LMTK3: variants seen among roughly 807,000 people sequenced by gnomAD.
The protein encoded by LMTK3 is lemur tail kinase 3.
LMTK3 carries 27 observed loss-of-function variants against 116.7 expected under a neutral mutation model. The observed-to-expected ratio is 0.23, with a 90% CI of 0.17 to 0.32. The LOEUF (loss-of-function observed/expected upper bound fraction) is 0.32. Among genes scored for constraint, LMTK3 ranks in the 10% least tolerant of loss-of-function variants. The pLI is 1.00. For missense variants in LMTK3, 1,764 were observed against 2,068.5 expected, an observed-to-expected ratio of 0.85 and a Z score of 2.86; for synonymous variants, 965 against 971.0, an observed-to-expected ratio of 0.99 and a Z score of 0.11.
At position 48,499,307 on chromosome 19, in the gene LMTK3, G is replaced by T. The variant is rs749084874; in HGVS notation, c.1762C>A (p.Leu588Ile). 247 of 1,414,500 alleles carry T rather than the reference G, an allele frequency of 1.7e-4. No individual in the cohort carries two copies. The highest frequency in any genetic ancestry group is 2.1e-4 in the Non-Finnish European group (224 of 1,082,904). 87.6% of individuals were successfully genotyped at this position (1,414,500 alleles called of 1,614,324 possible). A position where few individuals can be genotyped will look rare whatever the true frequency, so the allele number is the denominator to read the frequency against. Residue 588 changes from leucine (L) to isoleucine (I), a missense_variant, in exon 11 of 15, where the codon CTC (leucine) becomes ATC (isoleucine). By Grantham distance (5) the Leu-to-Ile change is conservative. Around this residue, in one of 7 missense-constraint regions of LMTK3, gnomAD observed 1,028 missense variants for 1,050.6 expected, o/e 0.98. Transcript: ENST00000600059. ...GGGAAGGGCCGGGGCGCAGGGAAGA[G>T]GGGGGAGGCCCAGGTCTCGGACACC... ...QLVSETWASP[L>I]FPAPRPFPAQ...
chr19:48,498,460 A>G lies in LMTK3; in HGVS notation c.2609T>C (p.Val870Ala). The change falls in exon 11 of 15, where the codon GTG becomes GCG. Residue 870 changes from valine (V) to alanine (A), a missense_variant. Val to Ala is a moderately conservative substitution (Grantham distance 64). Transcript: ENST00000600059. ...CTTCTCCCCCAGGAGGTTCCTTGTC[A>G]CATCCTCCCGCAGGGACATCAGCAG... ...EQLLMSLRED[V>A]TRNLLGEKGA... 2.5e-6 allele frequency: 4 copies of G among 1,602,474 alleles called. No individual in the cohort carries two copies. The highest frequency in any genetic ancestry group is 3.4e-6 in the Non-Finnish European group (4 of 1,174,724).
At chr19:48,496,344 G>T (rs1176675322) in intron 11 of LMTK3, among the ~76,000 whole-genome samples, 2 of 151,124 alleles carry the variant, frequency 1.3e-5, no homozygotes, top group African/African-American at 4.9e-5. Context: ...TATCGCCCAG[G>T]CTGGAGTGCA....
At chr19:48,510,654 C>A (rs1972641923) in intron 1 of LMTK3, 62 bp from the exon 2 acceptor site, 1 of 1,470,932 alleles carries the variant, frequency 6.8e-7, no homozygotes, top group Non-Finnish European at 9.0e-7. Flanking sequence ...GAATCATGCC[C>A]CCTCCCGTCC....
Position 48,494,145 on chromosome 19 carries a change from G to T in LMTK3, c.3677-36C>A. The stretch of plus-strand genomic sequence containing the variant: ...AGAGACCTGGTGAGCCCCTGTCCCG[G>T]TGAAACTGAGGCAGGCCCTCCCACC... On this transcript the variant is annotated intron_variant, in intron 11 of 14. Transcript: ENST00000600059. This position sits in a 1 kb window ranked among gnomAD's most constrained non-coding sequence, Gnocchi z 4.0. 1 of 1,150,144 alleles carries T rather than the reference G, an allele frequency of 8.7e-7. No homozygotes were observed. 71.2% of individuals were successfully genotyped at this position (1,150,144 alleles called of 1,614,324 possible).
chr19:48,511,377 G>C (rs1431198824), intron 1 of LMTK3, 124 bp downstream of exon 1: 4 of 422,996 alleles, frequency 9.5e-6, no homozygotes, highest in Non-Finnish European at 1.6e-5. Context: ...TCCGGGCCCT[G>C]CTGGGCTGCG....
chr19:48,499,745 G>A lies in LMTK3; in HGVS notation c.1324C>T (p.Pro442Ser). The change falls in exon 11 of 15, where the codon CCC (proline) becomes TCC (serine). Residue 442 changes from proline (P) to serine (S), a missense_variant. Physicochemically the swap from Pro to Ser is moderately conservative, Grantham distance 74. This residue lies in a region of LMTK3 where 63 missense variants were observed against 65.0 expected (regional missense o/e 0.97). Coordinates refer to ENST00000600059, the MANE Select transcript of LMTK3 (RefSeq NM_001388485.1). ...PWPWPPAHSA[P>S]RPGTLSSPFP... ...GGTGAGGAGAGGGTCCCCGGGCGGG[G>A]CGCACTGTGTGCAGGGGGCCAGGGC... 6.5e-7 allele frequency: 1 copy of A among 1,531,006 alleles called. No individual in the cohort carries two copies. The highest frequency in any genetic ancestry group is 1.2e-5 in the South Asian group (1 of 81,658). The allele number at this position is 1,531,006 out of a possible 1,614,324, so 94.8% of individuals were successfully genotyped here.
intron 5 of LMTK3, among the ~76,000 whole-genome samples, chr19:48,503,809 CT>C (rs1268037402): frequency 6.6e-6 from 1 of 151,204 alleles, no homozygotes; most frequent in Non-Finnish European, 1.5e-5. Context: ...CTCTCTCTCT[CT>C]TTTTTTTCCT....
At position 48,492,554 on chromosome 19, in the gene LMTK3, C is replaced by G. The variant is rs192901001; in HGVS notation, c.4093-1015G>C. Reference sequence around the variant, plus strand: ...GTCCCAGTCGTTAGGTTCGCTCATCCCTGACCTCACCCCAGAATACGTTAA... The same window carrying G: ...GTCCCAGTCGTTAGGTTCGCTCATCGCTGACCTCACCCCAGAATACGTTAA... On this transcript the variant is annotated intron_variant, in intron 12 of 14. Transcript: ENST00000600059. 5.8e-3 allele frequency among the ~76,000 whole-genome samples: 876 copies of G among 152,188 alleles called. 5 individuals carry two copies. Among genetic ancestry groups the G allele is most frequent in the Non-Finnish European group, 9.7e-3 (658 of 67,990 alleles).
chr19:48,510,641 C>A, intron 1 of LMTK3, 49 bp from the exon 2 acceptor site: 3 of 1,493,674 alleles, frequency 2.0e-6, no homozygotes, highest in Non-Finnish European at 2.7e-6. Flanking sequence ...TCCCTGGATA[C>A]CGGAATCATG....
In LMTK3 at chr19:48,497,648, T is replaced by G. The variant is rs571068744; in HGVS notation, c.3421A>C (p.Thr1141Pro). The G allele has an allele frequency of 5.8e-5, 76 of 1,307,094 alleles. No homozygotes were observed. In the Admixed American group the frequency reaches 1.3e-3, roughly 22 times the overall value. The allele number at this position is 1,307,094 out of a possible 1,614,324, so 81.0% of individuals were successfully genotyped here. The change falls in exon 11 of 15, where the codon ACG becomes CCG. Residue 1141 changes from threonine (T) to proline (P), a missense_variant. By Grantham distance (38) the Thr-to-Pro change is conservative. Around this residue, in one of 7 missense-constraint regions of LMTK3, gnomAD observed 1,028 missense variants for 1,050.6 expected, o/e 0.98. Coordinates refer to ENST00000600059, the MANE Select transcript of LMTK3 (RefSeq NM_001388485.1). The surrounding 1 kb of genome is among the most constrained non-coding windows in gnomAD (Gnocchi z 5.7). ...VDAKAGWVDN[T>P]RPQPPPPPLP... ...GGTGGCGGCGGTGGCTGCGGCCTCG[T>G]GTTGTCTACCCATCCGGCCTTTGCG...
chr19:48,507,304 C>A (rs1972586956), intron 5 of LMTK3, among the ~76,000 whole-genome samples: 1 of 152,208 alleles, frequency 6.6e-6, no homozygotes. Flanking sequence ...AAGCGACTTG[C>A]CTAGGGTCAC....
rs1401088766 is a variant in LMTK3, at chr19:48,498,884, G to A, written c.2185C>T (p.Pro729Ser). The A allele has an allele frequency of 1.7e-6, 2 of 1,190,598 alleles. No individual in the cohort carries two copies. Among genetic ancestry groups the A allele is most frequent in the Non-Finnish European group, 2.1e-6 (2 of 933,818 alleles). The allele number at this position is 1,190,598 out of a possible 1,614,324, so 73.8% of individuals were successfully genotyped here. ...DLPMAPPASA[P>S]PEFLDPLMGA... is the part of the protein sequence containing the mutation. ...ATGAGGGGGTCCAGAAACTCGGGGGGGGCCGAGGCGGGGGGGGCCATGGGC... is the reference window on the plus strand; with the variant it reads ...ATGAGGGGGTCCAGAAACTCGGGGGAGGCCGAGGCGGGGGGGGCCATGGGC... The change falls in exon 11 of 15, where the codon CCC (proline) becomes TCC (serine). Residue 729 changes from proline (P) to serine (S), a missense_variant. Transcript: ENST00000600059.
At position 48,485,506 on chromosome 19, in the gene LMTK3, C is replaced by A; in HGVS notation, c.*267G>T. The stretch of plus-strand genomic sequence containing the variant: ...GAGTTCAGTTCAGTTCCGAGAAAGG[C>A]GGCTCTCTATGGAGGGGCGGGGGGA... On this transcript the variant is annotated 3_prime_UTR_variant, in exon 15 of 15. Transcript: ENST00000600059. 2 of 494,774 alleles carry A rather than the reference C, an allele frequency of 4.0e-6. No homozygotes were observed. The highest frequency in any genetic ancestry group is 5.6e-4 in the Middle Eastern group (1 of 1,796). The allele number at this position is 494,774 out of a possible 1,614,324, so 30.6% of individuals were successfully genotyped here.
rs1046599520 is a variant in LMTK3, at chr19:48,511,175, C to T, written c.76+326G>A. Among the ~76,000 whole-genome samples, 10 of 152,356 alleles carry T rather than the reference C, an allele frequency of 6.6e-5. No homozygotes were observed. In the East Asian group the frequency reaches 1.5e-3, roughly 23 times the overall value. On this transcript the variant is annotated intron_variant, in intron 1 of 14. Transcript: ENST00000600059. Reference sequence around the variant, plus strand: ...AGACAGCCTCCCGTGTTGTGTCCCCCTTAGAAATAGTATTCCTGTCCTCTG... The same window carrying T: ...AGACAGCCTCCCGTGTTGTGTCCCCTTTAGAAATAGTATTCCTGTCCTCTG...
rs148091064 is a variant in LMTK3 at position 48,490,171 on chromosome 19, T to G, written c.4366+937A>C. Among the ~76,000 whole-genome samples, 349 of 152,260 alleles carry G rather than the reference T, an allele frequency of 2.3e-3. 1 individual carries two copies. The highest frequency in any genetic ancestry group is 8.2e-3 in the African/African-American group (339 of 41,542). On this transcript the variant is annotated intron_variant, in intron 14 of 14. Transcript: ENST00000600059. ...CACAGACTCAGAGGCCGCGCAACTG[T>G]GGGTTTGAATCCCAGCTCCTCACTT... is the stretch of plus-strand genomic sequence containing the variant.
chr19:48,492,880 C>A (rs1168459409), intron 12 of LMTK3, among the ~76,000 whole-genome samples: 1 of 152,108 alleles, frequency 6.6e-6, no homozygotes, highest in East Asian at 1.9e-4. Flanking sequence ...TGCCCTCACC[C>A]TAGGTCCCGC....
rs1185952155 is a variant in LMTK3, at chr19:48,498,602, C to A, written c.2467G>T (p.Ala823Ser). The A allele has an allele frequency of 6.5e-7, 1 of 1,546,850 alleles. No individual in the cohort carries two copies. Among genetic ancestry groups the A allele is most frequent in the Admixed American group, 2.0e-5 (1 of 50,730 alleles). The change falls in exon 11 of 15, where the codon GCT becomes TCT. Residue 823 changes from alanine (A) to serine (S), a missense_variant. Ala to Ser is a moderately conservative substitution (Grantham distance 99, BLOSUM62 1). Transcript: ENST00000600059. ...AEEEGVPRPRAPPEPPDPGAP... is the reference protein window; with the variant it reads ...AEEEGVPRPRSPPEPPDPGAP... Reference sequence around the variant, plus strand: ...CCTGGGTCGGGTGGCTCGGGGGGAGCCCGCGGCCGAGGGACCCCTTCCTCC... The same window carrying A: ...CCTGGGTCGGGTGGCTCGGGGGGAGACCGCGGCCGAGGGACCCCTTCCTCC...
At position 48,498,725 on chromosome 19, in the gene LMTK3, C is replaced by T; in HGVS notation, c.2344G>A (p.Gly782Ser). ...GGCTTGGGGCCCGGCGACGAGAGGCCTGAACCGGGACTGGCCACGGCCGAA... is the reference window on the plus strand; with the variant it reads ...GGCTTGGGGCCCGGCGACGAGAGGCTTGAACCGGGACTGGCCACGGCCGAA... Reference protein sequence around the residue: ...PPSAVASPGSGLSSPGPKPGD... With the variant: ...PPSAVASPGSSLSSPGPKPGD... The change falls in exon 11 of 15, where the codon GGC becomes AGC. Residue 782 changes from glycine to serine, a missense_variant. Around this residue, in one of 7 missense-constraint regions of LMTK3, gnomAD observed 1,028 missense variants for 1,050.6 expected, o/e 0.98. Transcript: ENST00000600059. 6.5e-7 allele frequency: 1 copy of T among 1,531,270 alleles called. No homozygotes were observed. The highest frequency in any genetic ancestry group is 8.7e-7 in the Non-Finnish European group (1 of 1,144,836). 94.9% of individuals were successfully genotyped at this position (1,531,270 alleles called of 1,614,324 possible). A position where few individuals can be genotyped will look rare whatever the true frequency, so the allele number is the denominator to read the frequency against.
In LMTK3 at chr19:48,499,278, G is replaced by A. The variant is rs1186816660; in HGVS notation, c.1791C>T (p.Ala597=). 10 of 1,413,984 alleles carry A rather than the reference G, an allele frequency of 7.1e-6. No individual in the cohort carries two copies. Among genetic ancestry groups the A allele is most frequent in the Non-Finnish European group, 9.2e-6 (10 of 1,083,706 alleles). The allele number at this position is 1,413,984 out of a possible 1,614,324, so 87.6% of individuals were successfully genotyped here. A position where few individuals can be genotyped will look rare whatever the true frequency, so the allele number is the denominator to read the frequency against. The change falls in exon 11 of 15, where the codon GCC becomes GCT. Residue 597 remains alanine, a synonymous_variant. Transcript: ENST00000600059. ...GGAAGCTGCCTGACGCTGAGGACTG[G>A]GCTGGGAAGGGCCGGGGCGCAGGGA... The part of the protein sequence containing the change: ...PLFPAPRPFP[A]QSSASGSFLL...
Sources: gnomAD v4.1 joint callset for allele counts (sites outside exome capture counted in the v4.1 genomes callset) on GRCh38, gnomAD v4.1.1 for gene constraint, gnomAD v4.1.1 regional missense constraint, Gnocchi (gnomAD v3.1) non-coding constraint, MANE v1.5 for transcripts, NCBI Gene and HGNC (gene_info 2026-07-23, HGNC 2026-07-21) for gene names.